The following LRCH3 variants were observed in gnomAD, a reference collection of about 807,000 sequenced individuals.
The protein encoded by LRCH3 is leucine rich repeats and calponin homology domain containing 3, also known as DISP complex protein LRCH3.
LRCH3 carries 68 observed loss-of-function variants against 104.5 expected under a neutral mutation model. The ratio of observed to expected loss-of-function variants is 0.65; its 90% CI spans 0.54 to 0.80. The LOEUF (loss-of-function observed/expected upper bound fraction) is 0.80, where lower values mean the gene tolerates loss of function less well. Among genes scored for constraint, LRCH3 ranks in the 30% least tolerant of loss-of-function variants. The pLI is 0.00. For synonymous variants in LRCH3, 344 were observed against 361.3 expected (o/e 0.95, Z 0.54); for missense variants, 951 against 953.9 (o/e 1.00, Z 0.04).
intron 20 of LRCH3, among the ~76,000 whole-genome samples, chr3:197,876,713 A>ATT (rs1712931791): frequency 6.6e-6 from 1 of 152,140 alleles, no homozygotes; most frequent in African/African-American, 2.4e-5. Flanking sequence ...TCACCTTCTA[A>ATT]TTAGGTATCA....
chr3:197,827,875 G>A (rs1214727553), intron 5 of LRCH3, among the ~76,000 whole-genome samples: 1 of 151,844 alleles, frequency 6.6e-6, no homozygotes, highest in East Asian at 1.9e-4. Context: ...TCAGGAGATC[G>A]AGATCATCCT....
chr3:197,850,074 G>T (rs1461111405), intron 12 of LRCH3, among the ~76,000 whole-genome samples: 1 of 152,188 alleles, frequency 6.6e-6, no homozygotes, highest in Non-Finnish European at 1.5e-5. Context: ...GGATGATGGT[G>T]TAAAGGGGGG....
chr3:197,869,587 C>G lies in LRCH3; in HGVS notation c.1874-573C>G, dbSNP rs541768257. On this transcript the variant is annotated intron_variant, in intron 17 of 20. Transcript: ENST00000425562. The stretch of plus-strand genomic sequence containing the variant: ...CCTGCAGGAGGTAGAAAGCGATGCA[C>G]TGTACCTGCAGGAAGTAGAAAGCGA... Among the ~76,000 whole-genome samples the G allele has an allele frequency of 1.9e-3, 253 of 136,668 alleles. 2 individuals carry two copies. The highest frequency in any genetic ancestry group is 1.3e-3 in the Non-Finnish European group (85 of 64,096). 89.7% of individuals were successfully genotyped at this position (136,668 alleles called of 152,430 possible).
intron 18 of LRCH3, 42 bp downstream of exon 18, chr3:197,870,320 G>T: frequency 6.4e-7 from 1 of 1,567,280 alleles, no homozygotes. Context: ...CAGTATTACT[G>T]CTATAGATCA....
chr3:197,829,910 G>A (rs1735701336), intron 6 of LRCH3, among the ~76,000 whole-genome samples: 1 of 152,168 alleles, frequency 6.6e-6, no homozygotes. Flanking sequence ...GTTGTGATGG[G>A]CTGTCCTGTA....
At chr3:197,791,230 C>T (rs770662021), upstream of LRCH3, 19 of 1,587,540 alleles carry the variant, frequency 1.2e-5, no homozygotes, top group Admixed American at 1.8e-5. Flanking sequence ...CCCAGCGGTC[C>T]GGCCGCGCAT....
At chr3:197,853,506 T>G (rs1271185979) in intron 13 of LRCH3, among the ~76,000 whole-genome samples, 1 of 152,182 alleles carries the variant, frequency 6.6e-6, no homozygotes, top group Middle Eastern at 3.2e-3. Flanking sequence ...TGTTTTAATT[T>G]ATGATCATTA....
chr3:197,878,561 C>T (rs752194744), intron 20 of LRCH3, among the ~76,000 whole-genome samples: 10 of 152,236 alleles, frequency 6.6e-5, no homozygotes, highest in African/African-American at 1.9e-4. Context: ...AGGAAATGGA[C>T]GTTCCCATAG....
rs1323314682 is a variant in LRCH3 at position 197,852,552 on chromosome 3, A to C, written c.1531-9A>C. ...ACTTCCTTTTTTGGGGGGTTTTGGG[A>C]TTATACAGCAAAAAGCATCACAAAG... On this transcript the variant is annotated splice_polypyrimidine_tract_variant and intron_variant, in intron 12 of 20. Transcript: ENST00000425562. 3.7e-6 allele frequency: 6 copies of C among 1,613,556 alleles called. No individual in the cohort carries two copies. The highest frequency in any genetic ancestry group is 5.1e-6 in the Non-Finnish European group (6 of 1,179,854).
chr3:197,829,480 A>G (rs549841076), intron 5 of LRCH3, 84 bp from the exon 6 acceptor site: 3 of 767,794 alleles, frequency 3.9e-6, no homozygotes, highest in South Asian at 2.0e-5. Flanking sequence ...TTCCCAATGT[A>G]TGTTACATAA....
intron 10 of LRCH3, among the ~76,000 whole-genome samples, chr3:197,844,864 C>T (rs534846488): frequency 1.3e-5 from 2 of 152,090 alleles, no homozygotes; most frequent in South Asian, 2.1e-4. Context: ...TTGTGATCCG[C>T]CCGCCTCGGC....
intron 10 of LRCH3, 96 bp downstream of exon 10, chr3:197,839,493 T>C (rs1180269436): frequency 1.5e-6 from 1 of 673,136 alleles, no homozygotes. Context: ...AATAAAGATG[T>C]TTACATGGCA....
chr3:197,826,981 A>G lies in LRCH3; in HGVS notation c.744A>G (p.Leu248=), dbSNP rs952428263. The part of the protein sequence containing the change: ...RNLRHLQTIT[L]DNNPLQSPPA... ...TCAGGCACCTACAGACGATCACCCTAGATAACAATCCACTACAATCACCTC... is the reference window on the plus strand; with the variant it reads ...TCAGGCACCTACAGACGATCACCCTGGATAACAATCCACTACAATCACCTC... Residue 248 remains leucine, a synonymous_variant, in exon 5 of 21, where the codon CTA becomes CTG. Transcript: ENST00000425562. The G allele has an allele frequency of 2.5e-6, 4 of 1,613,920 alleles. No individual in the cohort carries two copies. In the African/African-American group the frequency reaches 4.0e-5, roughly 16 times the overall value.
intron 19 of LRCH3, among the ~76,000 whole-genome samples, chr3:197,873,498 T>A (rs1263842336): frequency 1.3e-5 from 2 of 151,986 alleles, no homozygotes; most frequent in Admixed American, 1.3e-4. Context: ...AAGCTGAAGC[T>A]GAGAAGGAGA....
At chr3:197,815,521 A>C (rs1232868557) in intron 2 of LRCH3, among the ~76,000 whole-genome samples, 1 of 152,210 alleles carries the variant, frequency 6.6e-6, no homozygotes, top group Non-Finnish European at 1.5e-5. Context: ...AAAGCCAAAA[A>C]ATTTTAAGTC....
chr3:197,806,055 T>A (rs1732451997), intron 1 of LRCH3, among the ~76,000 whole-genome samples: 1 of 151,804 alleles, frequency 6.6e-6, no homozygotes, highest in African/African-American at 2.4e-5. Context: ...GCCTCCCGAG[T>A]AGCTGGGATT....
At chr3:197,870,035 C>T in intron 17 of LRCH3, 125 bp from the exon 18 acceptor site, 2 of 896,458 alleles carry the variant, frequency 2.2e-6, no homozygotes, top group African/African-American at 1.7e-5. Context: ...GAAAGCGATG[C>T]ACTGTACCTG....
intron 5 of LRCH3, among the ~76,000 whole-genome samples, chr3:197,827,748 A>AT (rs1735395119): frequency 6.6e-6 from 1 of 151,680 alleles, no homozygotes; most frequent in Non-Finnish European, 1.5e-5. Flanking sequence ...TAATTTCTTT[A>AT]TTTTTTTCTA....
chr3:197,883,761 G>A lies in LRCH3; in HGVS notation c.*95G>A, dbSNP rs1713981566. ...CTGTCTGCTTAAACAAAGCTCTTGTGTGTTCTCAGAAGGGACCGTTCCCAT... is the reference window on the plus strand; with the variant it reads ...CTGTCTGCTTAAACAAAGCTCTTGTATGTTCTCAGAAGGGACCGTTCCCAT... On this transcript the variant is annotated 3_prime_UTR_variant, in exon 21 of 21. Coordinates refer to ENST00000425562, the MANE Select transcript of LRCH3 (RefSeq NM_001365715.1). This position sits in a 1 kb window ranked among gnomAD's most constrained non-coding sequence, Gnocchi z 4.2. 1.5e-6 allele frequency: 2 copies of A among 1,365,250 alleles called. No homozygotes were observed. The highest frequency in any genetic ancestry group is 1.9e-6 in the Non-Finnish European group (2 of 1,029,756). 84.6% of individuals were successfully genotyped at this position (1,365,250 alleles called of 1,614,324 possible). A position where few individuals can be genotyped will look rare whatever the true frequency, so the allele number is the denominator to read the frequency against.
Sources: allele counts gnomAD v4.1 joint callset (sites outside exome capture counted in the v4.1 genomes callset), GRCh38; gene constraint gnomAD v4.1.1; non-coding constraint Gnocchi (gnomAD v3.1); transcripts MANE v1.5; gene names NCBI Gene and HGNC (gene_info 2026-07-23, HGNC 2026-07-21).